OPHN1: variants seen among roughly 807,000 people sequenced by gnomAD.
OPHN1 encodes the protein oligophrenin 1, also known as oligophrenin-1.
In OPHN1, 11 loss-of-function variants were observed where a neutral mutation model predicts 60.7. That is an observed-to-expected ratio of 0.18 (90% CI 0.11 to 0.30). OPHN1 has a LOEUF of 0.30. Ranked by LOEUF, OPHN1 falls within the 10% of genes least tolerant of loss-of-function variation. The probability of loss-of-function intolerance (pLI) is 1.00; values close to 1 mark genes in which losing one functional copy is unlikely to be tolerated. For synonymous variants in OPHN1, 226 were observed against 222.6 expected, an observed-to-expected ratio of 1.02 and a Z score of -0.14; for missense variants, 449 against 611.0, an observed-to-expected ratio of 0.73 and a Z score of 2.80.
intron 2 of OPHN1, among the ~76,000 whole-genome samples, chrX:68,383,598 GAAAA>G (rs10591078): frequency 8.9e-5 from 2 of 22,366 alleles, no homozygotes; most frequent in African/African-American, 3.4e-4. Context: ...CTCCATCCCA[GAAAA>G]AAAAAAAAAA....
intron 6 of OPHN1, among the ~76,000 whole-genome samples, chrX:68,220,788 A>C: frequency 4.3e-5 from 3 of 69,961 alleles, no homozygotes; most frequent in Non-Finnish European, 9.0e-5. Flanking sequence ...ATTTCAAAAT[A>C]ATAAGAGCTA....
chrX:68,410,221 T>TG (rs2078762731), intron 2 of OPHN1, among the ~76,000 whole-genome samples: 1 of 111,854 alleles, frequency 8.9e-6, no homozygotes, highest in Admixed American at 9.6e-5. Flanking sequence ...TACCACAGAC[T>TG]GAGTAATTTA....
chrX:68,172,829 C>T (rs1178275935), intron 15 of OPHN1, among the ~76,000 whole-genome samples: 2 of 111,087 alleles, frequency 1.8e-5, no homozygotes, highest in Admixed American at 9.6e-5. Flanking sequence ...TCTCGGTATC[C>T]GTTCTGAATA....
chrX:68,333,133 T>C (rs1455699329), intron 2 of OPHN1, among the ~76,000 whole-genome samples: 4 of 109,781 alleles, frequency 3.6e-5, no homozygotes, highest in Admixed American at 2.0e-4. Flanking sequence ...TAAATACTTA[T>C]TTTTTTAAAA....
intron 2 of OPHN1, among the ~76,000 whole-genome samples, chrX:68,402,413 GAAGAA>G (rs766062229): frequency 4.6e-5 from 5 of 109,466 alleles, no homozygotes; most frequent in Non-Finnish European, 5.7e-5. Context: ...AGAAGGAAGA[GAAGAA>G]AAGAGAAGAG....
chrX:68,115,754 G>T (rs959888451), intron 16 of OPHN1, among the ~76,000 whole-genome samples: 1 of 111,455 alleles, frequency 9.0e-6, no homozygotes, highest in Non-Finnish European at 1.9e-5. Flanking sequence ...CAGAAGCTTG[G>T]CTGATGTTGA....
At chrX:68,121,462 G>A (rs1271591270) in intron 15 of OPHN1, among the ~76,000 whole-genome samples, 1 of 111,615 alleles carries the variant, frequency 9.0e-6, no homozygotes, top group Non-Finnish European at 1.9e-5. Flanking sequence ...AGCAAAATCA[G>A]GCTGAACTCA....
At chrX:68,184,202 A>T (rs1366358497) in intron 15 of OPHN1, among the ~76,000 whole-genome samples, 5 of 111,650 alleles carry the variant, frequency 4.5e-5, no homozygotes, top group African/African-American at 6.5e-5. Flanking sequence ...TAATAGTAAT[A>T]AAAAAAATAA....
At chrX:68,273,715 AT>A (rs1456598557) in intron 5 of OPHN1, among the ~76,000 whole-genome samples, 3 of 112,212 alleles carry the variant, frequency 2.7e-5, no homozygotes, top group Non-Finnish European at 3.8e-5. Context: ...GCATAGCTTA[AT>A]GTAAAGAGTA....
At chrX:68,243,202 T>C (rs2077789880) in intron 5 of OPHN1, among the ~76,000 whole-genome samples, 1 of 110,859 alleles carries the variant, frequency 9.0e-6, no homozygotes, top group Admixed American at 9.7e-5. Flanking sequence ...GAAAGTAAAT[T>C]AGACTTTACC....
chrX:68,087,521 T>G (rs2077000067), intron 19 of OPHN1, among the ~76,000 whole-genome samples: 2 of 111,499 alleles, frequency 1.8e-5, no homozygotes, highest in African/African-American at 3.3e-5. Context: ...TCTTTAGGTG[T>G]GAAAGAGAGA....
At chrX:68,279,983 C>A (rs2078012331) in intron 4 of OPHN1, among the ~76,000 whole-genome samples, 1 of 111,581 alleles carries the variant, frequency 9.0e-6, no homozygotes, top group African/African-American at 3.3e-5. Flanking sequence ...AGAAGTACAG[C>A]TGAGCTTTCT....
rs2076825562 is a variant in OPHN1, at chrX:68,044,319, C to A, written c.*2853G>T. ...AGTGGCCTGGATTCAAATCACAGTC[C>A]TTTTATTTACTTTCTATGTGCCCTT... On this transcript the variant is annotated 3_prime_UTR_variant, in exon 25 of 25. Transcript: ENST00000355520. The A allele has an allele frequency of 8.9e-6, 1 of 112,579 alleles. No homozygotes were observed. The highest frequency in any genetic ancestry group is 1.9e-5 in the Non-Finnish European group (1 of 53,330). 9.3% of individuals were successfully genotyped at this position (112,579 alleles called of 1,213,427 possible).
intron 5 of OPHN1, among the ~76,000 whole-genome samples, chrX:68,243,959 A>T (rs1156616645): frequency 1.8e-5 from 2 of 112,023 alleles, no homozygotes; most frequent in African/African-American, 6.5e-5. Flanking sequence ...AAAACATATA[A>T]ATTGATCATA....
At chrX:68,327,802 A>T (rs1341113187) in intron 2 of OPHN1, among the ~76,000 whole-genome samples, 3 of 73,398 alleles carry the variant, frequency 4.1e-5, no homozygotes, top group Non-Finnish European at 7.1e-5. Context: ...AAAAATAAAA[A>T]AAAAAAAAAA....
chrX:68,139,792 C>T (rs1160570681), intron 15 of OPHN1, among the ~76,000 whole-genome samples: 1 of 112,587 alleles, frequency 8.9e-6, no homozygotes, highest in Admixed American at 9.4e-5. Context: ...TGGCTACCTG[C>T]AGTCCATTGG....
chrX:68,129,261 C>A (rs1039197121), intron 15 of OPHN1, among the ~76,000 whole-genome samples: 1 of 111,181 alleles, frequency 9.0e-6, no homozygotes, highest in Non-Finnish European at 1.9e-5. Flanking sequence ...TTAAGAGGTG[C>A]ACTGGGGTCA....
At chrX:68,195,799 A>G (rs978528690) in intron 12 of OPHN1, among the ~76,000 whole-genome samples, 8 of 111,817 alleles carry the variant, frequency 7.2e-5, no homozygotes, top group African/African-American at 2.3e-4. Context: ...CTTTTCTGCT[A>G]CTTTTCTAAA....
chrX:68,317,018 G>T (rs1002374126), intron 2 of OPHN1, among the ~76,000 whole-genome samples: 1 of 110,632 alleles, frequency 9.0e-6, no homozygotes, highest in African/African-American at 3.3e-5. Flanking sequence ...TCAGTAACAG[G>T]CTGGGCACGG....
Sources: gnomAD v4.1 joint callset for allele counts (sites outside exome capture counted in the v4.1 genomes callset) on GRCh38, gnomAD v4.1.1 for gene constraint, MANE v1.5 for transcripts, NCBI Gene and HGNC (gene_info 2026-07-23, HGNC 2026-07-21) for gene names.